The following CHRM3 variants were observed in gnomAD, a reference collection of about 807,000 sequenced individuals.
CHRM3 encodes muscarinic acetylcholine receptor M3.
Under a neutral mutation model 41.8 loss-of-function variants are expected in CHRM3, and 11 were observed. That is an observed-to-expected ratio of 0.26 (90% CI 0.17 to 0.44). The LOEUF is 0.44. Ranked by LOEUF, CHRM3 falls within the 20% of genes least tolerant of loss-of-function variation. The pLI is 1.00. For synonymous variants in CHRM3, 297 were observed against 301.4 expected (o/e 0.99, Z 0.15); for missense variants, 571 against 745.4 (o/e 0.77, Z 2.72).
intron 2 of CHRM3, among the ~76,000 whole-genome samples, chr1:239,528,393 G>A (rs1210889244): frequency 6.6e-6 from 1 of 152,164 alleles, no homozygotes; most frequent in Non-Finnish European, 1.5e-5. Flanking sequence ...TTTCTGTCCT[G>A]CACTGGCCCC....
chr1:239,783,424 T>C (rs1441957370), intron 5 of CHRM3, among the ~76,000 whole-genome samples: 1 of 152,076 alleles, frequency 6.6e-6, no homozygotes, highest in Non-Finnish European at 1.5e-5. Context: ...TAGTAAGCTA[T>C]TAATAGAAGA....
At chr1:239,479,429 T>C (rs1195937815) in intron 1 of CHRM3, among the ~76,000 whole-genome samples, 1 of 152,194 alleles carries the variant, frequency 6.6e-6, no homozygotes, top group African/African-American at 2.4e-5. Flanking sequence ...CGGCTAACTT[T>C]ACATCAGACC....
intron 6 of CHRM3, among the ~76,000 whole-genome samples, chr1:239,858,734 T>A (rs1323030067): frequency 6.6e-6 from 1 of 152,194 alleles, no homozygotes; most frequent in Non-Finnish European, 1.5e-5. Flanking sequence ...GAGGAAGCCC[T>A]GCATCCATTA....
At chr1:239,624,444 T>G (rs1235478278) in intron 3 of CHRM3, among the ~76,000 whole-genome samples, 2 of 73,696 alleles carry the variant, frequency 2.7e-5, no homozygotes, top group Non-Finnish European at 5.0e-5. Context: ...TCCCATGTTG[T>G]AGGTTGCCTG....
At chr1:239,561,872 C>A (rs980936973) in intron 3 of CHRM3, among the ~76,000 whole-genome samples, 1 of 152,028 alleles carries the variant, frequency 6.6e-6, no homozygotes, top group African/African-American at 2.4e-5. Context: ...TGAAGATTTA[C>A]TAGTATAAAT....
At chr1:239,854,376 G>T (rs1674939862) in intron 6 of CHRM3, among the ~76,000 whole-genome samples, 1 of 151,938 alleles carries the variant, frequency 6.6e-6, no homozygotes, top group Non-Finnish European at 1.5e-5. Context: ...GATGTACAGT[G>T]AACAACAAAA....
At chr1:239,600,515 C>T (rs1665386911) in intron 3 of CHRM3, among the ~76,000 whole-genome samples, 1 of 151,970 alleles carries the variant, frequency 6.6e-6, no homozygotes, top group Non-Finnish European at 1.5e-5. Flanking sequence ...CTTTTCTTCT[C>T]AGAATATATT....
At chr1:239,562,574 G>GATTATT (rs1451964041) in intron 3 of CHRM3, among the ~76,000 whole-genome samples, 1 of 151,988 alleles carries the variant, frequency 6.6e-6, no homozygotes, top group Non-Finnish European at 1.5e-5. Context: ...TGATGATGAT[G>GATTATT]ATGATTATTA....
At chr1:239,439,221 G>T (rs1392284792) in intron 1 of CHRM3, among the ~76,000 whole-genome samples, 1 of 152,132 alleles carries the variant, frequency 6.6e-6, no homozygotes, top group Non-Finnish European at 1.5e-5. Flanking sequence ...CCTTAGGTTT[G>T]TATCCGATTA....
chr1:239,866,874 A>T (rs975435752), intron 6 of CHRM3, among the ~76,000 whole-genome samples: 1 of 152,208 alleles, frequency 6.6e-6, no homozygotes, highest in Non-Finnish European at 1.5e-5. Flanking sequence ...TACTCATGCC[A>T]TTAGATCCCA....
intron 4 of CHRM3, among the ~76,000 whole-genome samples, chr1:239,652,062 T>C (rs2148971942): frequency 6.6e-6 from 1 of 151,952 alleles, no homozygotes; most frequent in African/African-American, 2.4e-5. Context: ...TATGATTAAC[T>C]GCCTTTGTTT....
At chr1:239,527,815 A>G (rs937142264) in intron 2 of CHRM3, among the ~76,000 whole-genome samples, 1 of 152,248 alleles carries the variant, frequency 6.6e-6, no homozygotes, top group Admixed American at 6.5e-5. Context: ...AGAATTAGAG[A>G]TAATGAATGT....
chr1:239,394,090 GCAT>G (rs1013670551), intron 1 of CHRM3, among the ~76,000 whole-genome samples: 3 of 152,188 alleles, frequency 2.0e-5, no homozygotes, highest in Non-Finnish European at 4.4e-5. Flanking sequence ...GCTTTTCAGA[GCAT>G]ATGATCAATG....
At chr1:239,839,802 G>T (rs965445848) in intron 6 of CHRM3, among the ~76,000 whole-genome samples, 2 of 151,400 alleles carry the variant, frequency 1.3e-5, no homozygotes, top group East Asian at 1.9e-4. Context: ...TGGCGGGGCG[G>T]GGGGGGAGCG....
chr1:239,734,261 G>A (rs1302663359), intron 5 of CHRM3, among the ~76,000 whole-genome samples: 1 of 152,060 alleles, frequency 6.6e-6, no homozygotes, highest in East Asian at 1.9e-4. Flanking sequence ...TGAGTGTAGA[G>A]TATCTTGTTG....
At chr1:239,644,450 A>T (rs114574628) in intron 4 of CHRM3, among the ~76,000 whole-genome samples, 300 of 152,206 alleles carry the variant, frequency 2.0e-3, no homozygotes, top group African/African-American at 6.7e-3. Flanking sequence ...CCACGTCGTC[A>T]TGCCTATCCC....
intron 2 of CHRM3, among the ~76,000 whole-genome samples, chr1:239,502,225 C>CT (rs773841230): frequency 6.6e-6 from 1 of 152,052 alleles, no homozygotes; most frequent in Non-Finnish European, 1.5e-5. Flanking sequence ...ATCAAAATAA[C>CT]TTTGTTAAGA....
At chr1:239,666,212 G>A (rs1673785435) in intron 4 of CHRM3, among the ~76,000 whole-genome samples, 1 of 151,400 alleles carries the variant, frequency 6.6e-6, no homozygotes, top group Non-Finnish European at 1.5e-5. Flanking sequence ...TTTTGGCGGG[G>A]GGGATGGAGT....
intron 3 of CHRM3, among the ~76,000 whole-genome samples, chr1:239,593,594 C>T (rs543155936): frequency 2.4e-4 from 36 of 152,142 alleles, no homozygotes; most frequent in Non-Finnish European, 3.8e-4. Context: ...TGAACTATGA[C>T]GATGAATATT....
Sources: allele counts gnomAD v4.1 joint callset (sites outside exome capture counted in the v4.1 genomes callset), GRCh38; gene constraint gnomAD v4.1.1; transcripts MANE v1.5; gene names NCBI Gene and HGNC (gene_info 2026-07-23, HGNC 2026-07-21).